The following SERGEF variants were observed in gnomAD, a reference collection of about 807,000 sequenced individuals.
The protein encoded by SERGEF is secretion regulating guanine nucleotide exchange factor.
SERGEF carries 51 observed loss-of-function variants against 50.0 expected under a neutral mutation model. The observed-to-expected ratio is 1.02, with a 90% confidence interval of 0.81 to 1.29. The LOEUF (loss-of-function observed/expected upper bound fraction) is 1.29, where lower values mean the gene tolerates loss of function less well. Among genes scored for constraint, SERGEF ranks in the 50% most tolerant of loss-of-function variants. The pLI is 0.00. For synonymous variants in SERGEF, 205 were observed against 212.4 expected (o/e 0.97, Z 0.30); for missense variants, 521 against 557.0 (o/e 0.94, Z 0.65).
chr11:17,792,381 GC>G (rs555596905), intron 10 of SERGEF, among the ~76,000 whole-genome samples: 106 of 152,328 alleles, frequency 7.0e-4, no homozygotes, highest in Admixed American at 1.6e-3. Context: ...TGGGCTTTGT[GC>G]CCGGCCCTGG....
chr11:17,891,480 T>C (rs1362420288), intron 9 of SERGEF, among the ~76,000 whole-genome samples: 1 of 152,214 alleles, frequency 6.6e-6, no homozygotes, highest in Admixed American at 6.5e-5. Flanking sequence ...TTTAAGATAC[T>C]GAATTTAAGG....
intron 9 of SERGEF, among the ~76,000 whole-genome samples, chr11:17,889,261 G>A (rs532426092): frequency 3.3e-4 from 51 of 152,286 alleles, no homozygotes; most frequent in Middle Eastern, 3.4e-3. Flanking sequence ...AATTACAAAG[G>A]ATAAATGGTA....
intron 9 of SERGEF, among the ~76,000 whole-genome samples, chr11:17,900,239 C>G (rs1372769123): frequency 6.6e-6 from 1 of 152,164 alleles, no homozygotes; most frequent in East Asian, 1.9e-4. Context: ...CTGCTTAACT[C>G]TAAGCGTCTC....
At chr11:17,883,141 GA>G (rs1851367610) in intron 9 of SERGEF, among the ~76,000 whole-genome samples, 1 of 152,140 alleles carries the variant, frequency 6.6e-6, no homozygotes, top group Admixed American at 6.5e-5. Context: ...ATGCCAGAGG[GA>G]TAAGATCTCC....
At chr11:17,923,616 G>T (rs1012016929) in intron 9 of SERGEF, among the ~76,000 whole-genome samples, 2 of 151,840 alleles carry the variant, frequency 1.3e-5, no homozygotes, top group African/African-American at 4.8e-5. Flanking sequence ...GGGAAGGGAG[G>T]TGTTGCAGAT....
intron 9 of SERGEF, 99 bp from the exon 10 acceptor site, chr11:17,878,343 G>A (rs974474544): frequency 2.3e-6 from 2 of 857,410 alleles, no homozygotes; most frequent in Non-Finnish European, 3.6e-6. Flanking sequence ...TCCATTTTTG[G>A]CAAAATTTAG....
At chr11:17,845,049 A>G (rs1240696193) in intron 10 of SERGEF, among the ~76,000 whole-genome samples, 1 of 152,178 alleles carries the variant, frequency 6.6e-6, no homozygotes, top group East Asian at 1.9e-4. Context: ...CTGCTCTAAG[A>G]CAATGAGTGT....
Position 17,849,608 on chromosome 11 carries a change from C to A in SERGEF, c.1048+28600G>T, listed in dbSNP as rs574466461. Among the ~76,000 whole-genome samples the A allele has an allele frequency of 1.3e-3, 192 of 152,218 alleles. No homozygotes were observed. The Middle Eastern group carries it at 0.014, about 11-fold the overall frequency. On this transcript the variant is annotated intron_variant, in intron 10 of 10. Coordinates refer to ENST00000265965, the MANE Select transcript of SERGEF (RefSeq NM_012139.4). ...ACATCTTGGTAGACTGGAAAGAGCA[C>A]AGGACCAGGAGACAGAATAATAATA... is the stretch of plus-strand genomic sequence containing the variant.
intron 10 of SERGEF, among the ~76,000 whole-genome samples, chr11:17,866,429 C>CTGTA (rs1378607899): frequency 1.3e-5 from 2 of 152,202 alleles, no homozygotes; most frequent in Admixed American, 1.3e-4. Context: ...GTGTACTAGG[C>CTGTA]TATACCATCT....
intron 3 of SERGEF, among the ~76,000 whole-genome samples, chr11:18,005,212 G>A (rs543154633): frequency 2.0e-5 from 3 of 152,256 alleles, no homozygotes; most frequent in South Asian, 4.1e-4. Flanking sequence ...ATTATCTACT[G>A]ACTCCTTACA....
intron 7 of SERGEF, among the ~76,000 whole-genome samples, chr11:17,990,049 A>G (rs1468633744): frequency 6.6e-6 from 1 of 152,250 alleles, no homozygotes; most frequent in African/African-American, 2.4e-5. Context: ...ATAAGGAGTC[A>G]AATAGGGACT....
rs537268247 is a variant in SERGEF, at chr11:17,982,225, C to T, written c.844+6372G>A. ...AAAGAATGTAACAAGGCAGAAAGAA[C>T]ACTGTACTGAGAGTCATGAGACTTG... On this transcript the variant is annotated intron_variant, in intron 8 of 10. Coordinates refer to ENST00000265965, the MANE Select transcript of SERGEF (RefSeq NM_012139.4). 2.6e-5 allele frequency among the ~76,000 whole-genome samples: 4 copies of T among 152,300 alleles called. No individual in the cohort carries two copies. The South Asian group carries it at 8.3e-4, about 32-fold the overall frequency.
intron 8 of SERGEF, among the ~76,000 whole-genome samples, chr11:17,972,876 T>C (rs1853280612): frequency 6.6e-6 from 1 of 151,968 alleles, no homozygotes; most frequent in Non-Finnish European, 1.5e-5. Context: ...GAAAGAAACA[T>C]CCCTTTCTCC....
At chr11:17,813,834 C>T (rs1029240194) in intron 10 of SERGEF, among the ~76,000 whole-genome samples, 5 of 152,254 alleles carry the variant, frequency 3.3e-5, no homozygotes, top group Non-Finnish European at 1.5e-5. Flanking sequence ...ATCTGTATAT[C>T]TGTGCCTGGA....
chr11:17,978,470 C>T (rs1274048410), intron 8 of SERGEF, among the ~76,000 whole-genome samples: 2 of 152,064 alleles, frequency 1.3e-5, no homozygotes, highest in African/African-American at 2.4e-5. Flanking sequence ...AGGGCAGAGG[C>T]GAGCAGAAAA....
chr11:17,991,505 T>C lies in SERGEF; in HGVS notation c.685+1426A>G, dbSNP rs2133998978. ...TGACTGTGGGGCACGAACACATCAC[T>C]TCTCACCCTAAGGTCTCTAGTCCTT... On this transcript the variant is annotated intron_variant, in intron 7 of 10. Coordinates refer to ENST00000265965, the MANE Select transcript of SERGEF (RefSeq NM_012139.4). This position sits in a 1 kb window ranked among gnomAD's most constrained non-coding sequence, Gnocchi z 4.9. 6.6e-6 allele frequency among the ~76,000 whole-genome samples: 1 copy of C among 152,276 alleles called. No homozygotes were observed. The highest frequency in any genetic ancestry group is 1.9e-4 in the East Asian group (1 of 5,178).
At chr11:17,847,052 C>T (rs1375284938) in intron 10 of SERGEF, among the ~76,000 whole-genome samples, 1 of 152,220 alleles carries the variant, frequency 6.6e-6, no homozygotes, top group Non-Finnish European at 1.5e-5. Flanking sequence ...GAGAAGTGAG[C>T]AAGCCTCCTG....
chr11:17,824,427 A>T (rs1487494021), intron 10 of SERGEF, among the ~76,000 whole-genome samples: 2 of 152,210 alleles, frequency 1.3e-5, no homozygotes, highest in African/African-American at 4.8e-5. Context: ...TGAAACAGAG[A>T]GATAGAAATA....
intron 1 of SERGEF, among the ~76,000 whole-genome samples, chr11:18,011,998 A>C (rs945532043): frequency 1.3e-5 from 2 of 152,144 alleles, no homozygotes; most frequent in African/African-American, 4.8e-5. Context: ...GCTCTCCCCC[A>C]ACACAAGAGC....
Sources: gnomAD v4.1 joint callset for allele counts (sites outside exome capture counted in the v4.1 genomes callset) on GRCh38, gnomAD v4.1.1 for gene constraint, Gnocchi (gnomAD v3.1) non-coding constraint, MANE v1.5 for transcripts, NCBI Gene and HGNC (gene_info 2026-07-23, HGNC 2026-07-21) for gene names.